The following FBN3 variants were observed in gnomAD, a reference collection of about 807,000 sequenced individuals.
FBN3 encodes fibrillin 3, also known as fibrillin-3.
In FBN3, 234 loss-of-function variants were observed where a neutral mutation model predicts 330.1. That is an observed-to-expected ratio of 0.71 (90% CI 0.64 to 0.79). The LOEUF (loss-of-function observed/expected upper bound fraction) is 0.79. FBN3 is among the 30% of genes least tolerant of loss of function. FBN3 has a pLI of 0.00. For synonymous variants in FBN3, 1,458 were observed against 1,517.3 expected, an observed-to-expected ratio of 0.96 and a Z score of 0.91; for missense variants, 3,606 against 3,886.9, an observed-to-expected ratio of 0.93 and a Z score of 1.92.
chr19:8,068,972 C>G (rs973730208), intron 63 of FBN3, among the ~76,000 whole-genome samples: 1 of 152,118 alleles, frequency 6.6e-6, no homozygotes, highest in African/African-American at 2.4e-5. Flanking sequence ...AGAGACCCAG[C>G]AGCCAGGGGA....
At position 8,072,966 on chromosome 19, in the gene FBN3, C is replaced by CGTGTGTGTGTGTGT. The variant is rs60155490; in HGVS notation, c.7937+83_7937+96dup. 1,206 of 644,768 alleles carry CGTGTGTGTGTGTGT rather than the reference C, an allele frequency of 1.9e-3. 4 individuals carry two copies. Among genetic ancestry groups the CGTGTGTGTGTGTGT allele is most frequent in the African/African-American group, 8.2e-3 (420 of 50,978 alleles). The allele number at this position is 644,768 out of a possible 1,614,324, so 39.9% of individuals were successfully genotyped here. On this transcript the variant is annotated intron_variant, in intron 62 of 63. Coordinates refer to ENST00000600128, the MANE Select transcript of FBN3 (RefSeq NM_032447.5). ...TAAATTCTTGGCATGCACAAAGCCC[C>CGTGTGTGTGTGTGT]GTGTGTGTGTGTGTGTGTGTGTGTG...
At chr19:8,145,515 C>G (rs4804275) in intron 5 of FBN3, among the ~76,000 whole-genome samples, 43,078 of 150,830 alleles carry the variant, frequency 0.29, 6,654 homozygotes, top group Non-Finnish European at 0.35. Flanking sequence ...CCCATCTCTA[C>G]TAAAAATACA....
At chr19:8,072,990 T>TGTGTGC in intron 62 of FBN3, 73 bp downstream of exon 62, 1 of 866,756 alleles carries the variant, frequency 1.2e-6, no homozygotes, top group Non-Finnish European at 1.9e-6. Context: ...TGTGTGTGTG[T>TGTGTGC]GTGTGTGTGT....
At chr19:8,111,272 C>T (rs1457277302) in intron 32 of FBN3, 89 bp from the exon 33 acceptor site, 70 of 1,458,732 alleles carry the variant, frequency 4.8e-5, no homozygotes, top group Non-Finnish European at 5.4e-5. Flanking sequence ...TGGAACACTT[C>T]GCTGTCAGCC....
At position 8,126,848 on chromosome 19, in the gene FBN3, C is replaced by T. The variant is rs1279643238; in HGVS notation, c.2297-16G>A. ...TCGTCGACATCTGTGGGGACAGCCC[C>T]CCACCAGGTCCTGAGCTGCAGGAGG... is the stretch of plus-strand genomic sequence containing the variant. On this transcript the variant is annotated splice_polypyrimidine_tract_variant and intron_variant, in intron 18 of 63. Transcript: ENST00000600128. 1.3e-6 allele frequency: 2 copies of T among 1,533,008 alleles called. No homozygotes were observed. Among genetic ancestry groups the T allele is most frequent in the Non-Finnish European group, 1.8e-6 (2 of 1,142,688 alleles). 95.0% of individuals were successfully genotyped at this position (1,533,008 alleles called of 1,614,324 possible).
At position 8,129,477 on chromosome 19, in the gene FBN3, C is replaced by T; in HGVS notation, c.2045-112G>A. 1 of 1,437,460 alleles carries T rather than the reference C, an allele frequency of 7.0e-7. No homozygotes were observed. The highest frequency in any genetic ancestry group is 9.5e-7 in the Non-Finnish European group (1 of 1,051,638). 89.0% of individuals were successfully genotyped at this position (1,437,460 alleles called of 1,614,324 possible). On this transcript the variant is annotated intron_variant, in intron 16 of 63. Coordinates refer to ENST00000600128, the MANE Select transcript of FBN3 (RefSeq NM_032447.5). This position sits in a 1 kb window ranked among gnomAD's most constrained non-coding sequence, Gnocchi z 4.5. ...CTCTAGAAGTCAGATTCCCCAAGGC[C>T]ATAGCTCCAGCCCAGACCCGGCCTC...
chr19:8,135,196 C>T (rs1174159031), intron 13 of FBN3, among the ~76,000 whole-genome samples: 1 of 151,598 alleles, frequency 6.6e-6, no homozygotes, highest in Non-Finnish European at 1.5e-5. Flanking sequence ...TCAGGCTGAT[C>T]TTGAACTCCT....
intron 26 of FBN3, among the ~76,000 whole-genome samples, chr19:8,118,668 T>A (rs985982015): frequency 2.6e-5 from 4 of 152,030 alleles, no homozygotes; most frequent in Admixed American, 2.0e-4. Context: ...CACTCACACA[T>A]GTGCGTGTTC....
rs1377170494 is a variant in FBN3, at chr19:8,109,352, T to C, written c.4493A>G (p.Asp1498Gly). The change falls in exon 36 of 64, where the codon GAC (aspartate) becomes GGC (glycine). Residue 1498 changes from aspartate to glycine, a missense_variant. Transcript: ENST00000600128. The surrounding 1 kb of genome is among the most constrained non-coding windows in gnomAD (Gnocchi z 5.2). ...GCAGGAAATGCCACTGTCCCCTCGG[T>C]CATGCGTCTCCAGGAAACAGTTCCC... ...RAGNCFLETH[D>G]RGDSGISCSA... 1.2e-6 allele frequency: 2 copies of C among 1,614,020 alleles called. No individual in the cohort carries two copies. Among genetic ancestry groups the C allele is most frequent in the African/African-American group, 2.7e-5 (2 of 74,900 alleles).
intron 30 of FBN3, among the ~76,000 whole-genome samples, chr19:8,112,792 C>T (rs1163614879): frequency 2.6e-5 from 4 of 152,188 alleles, no homozygotes; most frequent in Non-Finnish European, 5.9e-5. Context: ...CATGTTAAAC[C>T]TTGGTGAGCT....
chr19:8,145,880 C>T lies in FBN3; in HGVS notation c.408G>A (p.Leu136=), dbSNP rs921006793. Reference sequence around the variant, plus strand: ...CGGTGCCTGTGTAGCCCTTCTGACACAGACAGGACGCCCCCCGGCAGGTGC... The same window carrying T: ...CGGTGCCTGTGTAGCCCTTCTGACATAGACAGGACGCCCCCCGGCAGGTGC... ...NGGTCRGASC[L]CQKGYTGTVC... is the part of the protein sequence containing the mutation. The change falls in exon 5 of 64, where the codon CTG becomes CTA. Residue 136 remains leucine (L), a synonymous_variant. Transcript: ENST00000600128. 5.8e-6 allele frequency: 9 copies of T among 1,551,152 alleles called. No individual in the cohort carries two copies. In the Admixed American group the frequency reaches 1.4e-4, roughly 24 times the overall value.
At position 8,129,176 on chromosome 19, in the gene FBN3, A is replaced by AG; in HGVS notation, c.2171-24dup. 6.2e-7 allele frequency: 1 copy of AG among 1,608,424 alleles called. No individual in the cohort carries two copies. The highest frequency in any genetic ancestry group is 1.8e-4 in the Middle Eastern group (1 of 5,624). ...CGTCTGTGGGGTGGGGGTGGGAGAGAGGGGTGAGGGGTCTGCAGTGGGAGA... is the reference window on the plus strand; with the variant it reads ...CGTCTGTGGGGTGGGGGTGGGAGAGAGGGGGTGAGGGGTCTGCAGTGGGAGA... On this transcript the variant is annotated intron_variant, in intron 17 of 63. Coordinates refer to ENST00000600128, the MANE Select transcript of FBN3 (RefSeq NM_032447.5). This position sits in a 1 kb window ranked among gnomAD's most constrained non-coding sequence, Gnocchi z 4.5.
chr19:8,132,175 A>AGGAGGGACTACAGGGGTTC (rs1166092850), intron 14 of FBN3, among the ~76,000 whole-genome samples: 2 of 151,892 alleles, frequency 1.3e-5, no homozygotes, highest in African/African-American at 2.4e-5. Context: ...CCTCCCGAGT[A>AGGAGGGACTACAGGGGTTC]GGAGGGACTA....
In FBN3 at chr19:8,112,098, A is replaced by G. The variant is rs780480265; in HGVS notation, c.3840T>C (p.Asp1280=). 6.2e-7 allele frequency: 1 copy of G among 1,611,282 alleles called. No homozygotes were observed. The highest frequency in any genetic ancestry group is 8.5e-7 in the Non-Finnish European group (1 of 1,178,446). ...MVRKGATGCS[D]VDECEVGGHN... is the part of the protein sequence containing the mutation. ...GTCCTCCAACCTCGCATTCATCCAC[A>G]TCTAAAGGGAGAGGAGGCACGACGC... The change falls in exon 31 of 64, where the codon GAT becomes GAC. Residue 1280 remains aspartate (D), a splice_region_variant and synonymous_variant. Coordinates refer to ENST00000600128, the MANE Select transcript of FBN3 (RefSeq NM_032447.5).
intron 5 of FBN3, among the ~76,000 whole-genome samples, chr19:8,145,573 C>T (rs978996963): frequency 4.7e-5 from 7 of 147,924 alleles, no homozygotes; most frequent in African/African-American, 1.2e-4. Flanking sequence ...CCCAGCTACT[C>T]GGGAGGCTGA....
intron 34 of FBN3, among the ~76,000 whole-genome samples, chr19:8,110,225 T>C (rs1233938939): frequency 2.6e-5 from 4 of 152,026 alleles, no homozygotes; most frequent in Admixed American, 2.6e-4. Flanking sequence ...CCAGCTAATT[T>C]TTTATTTTTA....
chr19:8,082,952 G>C (rs546901306), intron 57 of FBN3, among the ~76,000 whole-genome samples: 1 of 152,050 alleles, frequency 6.6e-6, no homozygotes, highest in Non-Finnish European at 1.5e-5. Flanking sequence ...GGCTACAGGC[G>C]CATGTGGGAC....
Position 8,072,171 on chromosome 19 carries a change from G to GCTGAAGCCCAGGC in FBN3, c.7952_7964dup (p.Ser2655ArgfsTer21). 1 of 1,576,848 alleles carries GCTGAAGCCCAGGC rather than the reference G, an allele frequency of 6.3e-7. No homozygotes were observed. Among genetic ancestry groups the GCTGAAGCCCAGGC allele is most frequent in the Non-Finnish European group, 8.6e-7 (1 of 1,162,528 alleles). On this transcript the variant is annotated frameshift_variant, in exon 63 of 64. Coordinates refer to ENST00000600128, the MANE Select transcript of FBN3 (RefSeq NM_032447.5). LOFTEE classifies it high-confidence loss of function. Reference sequence around the variant, plus strand: ...TGTCCGGGGTGTCCTGGGGTCCGGGGCTGAAGCCCAGGCCGGAGACACAGT... The same window carrying GCTGAAGCCCAGGC: ...TGTCCGGGGTGTCCTGGGGTCCGGGGCTGAAGCCCAGGCCTGAAGCCCAGGCCGGAGACACAGT...
At chr19:8,082,310 T>TCTC (rs2081810540) in intron 57 of FBN3, among the ~76,000 whole-genome samples, 1 of 139,514 alleles carries the variant, frequency 7.2e-6, no homozygotes, top group African/African-American at 2.6e-5. Flanking sequence ...TCTTTCTCCC[T>TCTC]TTCTCTTTCT....
Sources: gnomAD v4.1 joint callset for allele counts (sites outside exome capture counted in the v4.1 genomes callset) on GRCh38, gnomAD v4.1.1 for gene constraint, Gnocchi (gnomAD v3.1) non-coding constraint, MANE v1.5 for transcripts, NCBI Gene and HGNC (gene_info 2026-07-23, HGNC 2026-07-21) for gene names.